LRRC20: variants seen among roughly 807,000 people sequenced by gnomAD.
LRRC20 encodes the protein leucine-rich repeat-containing protein 20.
LRRC20 carries 11 observed loss-of-function variants against 14.4 expected under a neutral mutation model. The observed-to-expected ratio is 0.77, with a 90% CI of 0.48 to 1.27. The LOEUF (loss-of-function observed/expected upper bound fraction) is 1.27, where lower values mean the gene tolerates loss of function less well. Among genes scored for constraint, LRRC20 ranks in the 50% most tolerant of loss-of-function variants. LRRC20 has a pLI of 0.00. For missense variants in LRRC20, 219 were observed against 251.2 expected (o/e 0.87, Z 0.87); for synonymous variants, 121 against 107.3 (o/e 1.13, Z -0.79).
chr10:70,318,681 G>C (rs1841961785), intron 4 of LRRC20, among the ~76,000 whole-genome samples: 1 of 151,904 alleles, frequency 6.6e-6, no homozygotes, highest in South Asian at 2.1e-4. Context: ...TTGAGCCTGG[G>C]AAGTTGAGGT....
intron 4 of LRRC20, among the ~76,000 whole-genome samples, chr10:70,305,437 A>G (rs1285991473): frequency 1.3e-5 from 2 of 152,148 alleles, no homozygotes; most frequent in African/African-American, 4.8e-5. Flanking sequence ...AAGAACCCCC[A>G]AAAGGGTTCC....
At chr10:70,352,194 C>T (rs1185892118) in intron 2 of LRRC20, among the ~76,000 whole-genome samples, 1 of 151,114 alleles carries the variant, frequency 6.6e-6, no homozygotes, top group African/African-American at 2.4e-5. Flanking sequence ...ATTCTAGTTT[C>T]ACTTAATAAC....
intron 2 of LRRC20, among the ~76,000 whole-genome samples, chr10:70,360,744 A>G (rs931614960): frequency 6.6e-6 from 1 of 152,156 alleles, no homozygotes; most frequent in African/African-American, 2.4e-5. Flanking sequence ...CACTGGGCCC[A>G]CTGCATTTCT....
intron 4 of LRRC20, among the ~76,000 whole-genome samples, chr10:70,305,334 C>T (rs551458391): frequency 6.6e-6 from 1 of 152,272 alleles, no homozygotes; most frequent in Admixed American, 6.5e-5. Flanking sequence ...GCCAATATCT[C>T]TTCGAGACCC....
intron 4 of LRRC20, among the ~76,000 whole-genome samples, chr10:70,311,955 T>C (rs80209648): frequency 0.016 from 2,386 of 152,282 alleles, 57 homozygotes; most frequent in African/African-American, 0.055. Flanking sequence ...GTTAGCAATA[T>C]TGACAGGTAA....
chr10:70,324,909 G>A (rs999987100), intron 3 of LRRC20, among the ~76,000 whole-genome samples: 16 of 152,100 alleles, frequency 1.1e-4, no homozygotes, highest in Non-Finnish European at 2.1e-4. Context: ...AAAGGACATC[G>A]TCTCACCTGT....
intron 3 of LRRC20, among the ~76,000 whole-genome samples, chr10:70,332,116 G>A (rs370347344): frequency 5.9e-5 from 9 of 152,150 alleles, no homozygotes; most frequent in Non-Finnish European, 7.3e-5. Flanking sequence ...CTGACTGCAC[G>A]GACTCCCCAG....
chr10:70,319,835 T>C (rs552337112), intron 4 of LRRC20, among the ~76,000 whole-genome samples: 131 of 152,302 alleles, frequency 8.6e-4, no homozygotes, highest in African/African-American at 2.9e-3. Flanking sequence ...CTACAAACCC[T>C]TTTCTCCCTC....
At chr10:70,335,538 G>A (rs1004651541) in intron 3 of LRRC20, among the ~76,000 whole-genome samples, 2 of 152,234 alleles carry the variant, frequency 1.3e-5, no homozygotes, top group Non-Finnish European at 2.9e-5. Context: ...GAAGGAGCTC[G>A]CAACCTCCCT....
At chr10:70,333,796 G>A (rs1842623945) in intron 3 of LRRC20, among the ~76,000 whole-genome samples, 1 of 152,144 alleles carries the variant, frequency 6.6e-6, no homozygotes, top group Non-Finnish European at 1.5e-5. Flanking sequence ...CATAACTCAG[G>A]GGAGATGGAC....
intron 2 of LRRC20, among the ~76,000 whole-genome samples, chr10:70,346,788 A>C (rs1479049610): frequency 3.9e-5 from 6 of 152,362 alleles, no homozygotes; most frequent in Admixed American, 2.0e-4. Flanking sequence ...ACTTTATACA[A>C]AGTAAGTAAA....
intron 2 of LRRC20, among the ~76,000 whole-genome samples, chr10:70,372,741 C>T (rs538597234): frequency 3.3e-5 from 5 of 151,758 alleles, no homozygotes; most frequent in Non-Finnish European, 7.4e-5. Context: ...TGCGCCCGGC[C>T]GAGAATGTGC....
intron 2 of LRRC20, among the ~76,000 whole-genome samples, chr10:70,364,914 C>A (rs982244544): frequency 1.3e-5 from 2 of 152,184 alleles, no homozygotes; most frequent in Admixed American, 6.5e-5. Flanking sequence ...AATGCCCCTG[C>A]CCCACCCCGC....
intron 1 of LRRC20, among the ~76,000 whole-genome samples, chr10:70,377,705 G>C (rs1844559780): frequency 6.6e-6 from 1 of 152,218 alleles, no homozygotes; most frequent in Non-Finnish European, 1.5e-5. Context: ...ACAGTGCTAA[G>C]AGCTAACAGT....
chr10:70,357,103 A>G (rs1462324404), intron 2 of LRRC20, among the ~76,000 whole-genome samples: 1 of 152,236 alleles, frequency 6.6e-6, no homozygotes, highest in African/African-American at 2.4e-5. Flanking sequence ...AGCCAGTCAC[A>G]AAAGGACAAA....
At chr10:70,360,710 G>A (rs557278958) in intron 2 of LRRC20, among the ~76,000 whole-genome samples, 9 of 152,048 alleles carry the variant, frequency 5.9e-5, no homozygotes, top group South Asian at 4.2e-4. Flanking sequence ...CTCAAAGTGC[G>A]AGGATTACAG....
rs1176014841 is a variant in LRRC20 at position 70,340,831 on chromosome 10, G to C, written c.83-129C>G. On this transcript the variant is annotated intron_variant, in intron 2 of 4. Coordinates refer to ENST00000446961, the MANE Select transcript of LRRC20 (RefSeq NM_001278212.2). Reference sequence around the variant, plus strand: ...CTTGCCCTCCCACCTGTCTCCCCAGGACCAGGCTTCAGACCCTGCCCTCCC... The same window carrying C: ...CTTGCCCTCCCACCTGTCTCCCCAGCACCAGGCTTCAGACCCTGCCCTCCC... The C allele has an allele frequency of 5.2e-6, 5 of 966,252 alleles. No homozygotes were observed. In the African/African-American group the frequency reaches 6.5e-5, roughly 13 times the overall value. 59.9% of individuals were successfully genotyped at this position (966,252 alleles called of 1,614,324 possible). A position where few individuals can be genotyped will look rare whatever the true frequency, so the allele number is the denominator to read the frequency against.
intron 4 of LRRC20, among the ~76,000 whole-genome samples, chr10:70,323,157 G>C (rs569987635): frequency 3.2e-4 from 49 of 152,166 alleles, no homozygotes; most frequent in Admixed American, 7.2e-4. Context: ...CTGCGGAGGG[G>C]AGGGCACACA....
At chr10:70,318,524 C>T (rs1311621773) in intron 4 of LRRC20, among the ~76,000 whole-genome samples, 2 of 152,124 alleles carry the variant, frequency 1.3e-5, no homozygotes, top group Non-Finnish European at 2.9e-5. Context: ...GAGGCCGAGG[C>T]GGGCAGATCG....
Sources: allele counts gnomAD v4.1 joint callset (sites outside exome capture counted in the v4.1 genomes callset), GRCh38; gene constraint gnomAD v4.1.1; transcripts MANE v1.5; gene names NCBI Gene and HGNC (gene_info 2026-07-23, HGNC 2026-07-21).